The following CLN8 variants were observed in gnomAD, a reference collection of about 807,000 sequenced individuals.
CLN8 encodes the protein protein CLN8.
A neutral mutation model predicts 15.7 loss-of-function variants in CLN8; 14 were observed. The observed-to-expected ratio is 0.89, with a 90% CI of 0.59 to 1.39. The LOEUF (loss-of-function observed/expected upper bound fraction) is 1.39. Among genes scored for constraint, CLN8 ranks in the 40% most tolerant of loss-of-function variants. The pLI is 0.00. For synonymous variants in CLN8, 188 were observed against 151.0 expected (o/e 1.25, Z -1.80); for missense variants, 415 against 364.0 (o/e 1.14, Z -1.14).
At chr8:1,765,085 C>T (rs1456266521) in intron 1 of CLN8, 1 of 152,222 alleles carries the variant, frequency 6.6e-6, no homozygotes, top group Non-Finnish European at 1.5e-5. Context: ...GTCATGGAGG[C>T]TGTGGTTGTT....
At chr8:1,762,379 A>T (rs1800820461), upstream of CLN8, 1 of 152,100 alleles carries the variant, frequency 6.6e-6, no homozygotes, top group African/African-American at 2.4e-5. Context: ...CTGGGATTAC[A>T]GGCTTGAGCC....
chr8:1,771,816 T>C (rs1801319452), intron 2 of CLN8, among the ~76,000 whole-genome samples: 1 of 152,116 alleles, frequency 6.6e-6, no homozygotes, highest in Non-Finnish European at 1.5e-5. Flanking sequence ...GGCAATTTTC[T>C]TAATTTTAAG....
At position 1,781,008 on chromosome 8, in the gene CLN8, T is replaced by C. The variant is rs1479216717; in HGVS notation, c.*441T>C. 5.6e-6 allele frequency: 1 copy of C among 178,770 alleles called. No individual in the cohort carries two copies. The highest frequency in any genetic ancestry group is 2.4e-5 in the African/African-American group (1 of 42,158). 11.1% of individuals were successfully genotyped at this position (178,770 alleles called of 1,614,324 possible). On this transcript the variant is annotated 3_prime_UTR_variant, in exon 3 of 3. Transcript: ENST00000331222. ...TCACATTCTTTTCAGTTGGAGAGAA[T>C]TGGGCTAAGATAGAAAATAACATGA...
upstream of CLN8, among the ~76,000 whole-genome samples, chr8:1,753,233 C>G (rs1467103073): frequency 2.0e-5 from 3 of 152,138 alleles, no homozygotes; most frequent in African/African-American, 7.2e-5. Context: ...TTCTTGCCCA[C>G]CTCATTATTT....
intron 2 of CLN8, among the ~76,000 whole-genome samples, chr8:1,776,274 GTA>G (rs1224046554): frequency 6.6e-6 from 1 of 152,240 alleles, no homozygotes; most frequent in African/African-American, 2.4e-5. Flanking sequence ...AGGGGCAGCT[GTA>G]TGTGTGGTAA....
rs1801692904 is a variant in CLN8 at position 1,780,777 on chromosome 8, C to A, written c.*210C>A. 3.2e-6 allele frequency: 2 copies of A among 623,924 alleles called. No individual in the cohort carries two copies. Among genetic ancestry groups the A allele is most frequent in the Non-Finnish European group, 5.5e-6 (2 of 361,816 alleles). 38.6% of individuals were successfully genotyped at this position (623,924 alleles called of 1,614,324 possible). ...TAATTTTATGACTGTCTGGCAGGCT[C>A]TGTCAGTTTAGCCGCGCCGGACCGT... On this transcript the variant is annotated 3_prime_UTR_variant, in exon 3 of 3. Coordinates refer to ENST00000331222, the MANE Select transcript of CLN8 (RefSeq NM_018941.4).
chr8:1,772,626 TTGTG>T (rs568342994), intron 2 of CLN8, among the ~76,000 whole-genome samples: 30 of 147,426 alleles, frequency 2.0e-4, no homozygotes, highest in African/African-American at 6.7e-4. Flanking sequence ...CCTAGCTAAT[TTGTG>T]TGTGTGTGTG....
At chr8:1,754,218 T>G, upstream of CLN8, among the ~76,000 whole-genome samples, 1 of 152,352 alleles carries the variant, frequency 6.6e-6, no homozygotes, top group East Asian at 1.9e-4. Flanking sequence ...TTCCTGGCAG[T>G]CAGCTCCTCT....
In CLN8 at chr8:1,780,470, A is replaced by G. The variant is rs1801681353; in HGVS notation, c.764A>G (p.Gln255Arg). The change falls in exon 3 of 3, where the codon CAG becomes CGG. Residue 255 changes from glutamine to arginine, a missense_variant. By Grantham distance (43) the Gln-to-Arg change is conservative. Coordinates refer to ENST00000331222, the MANE Select transcript of CLN8 (RefSeq NM_018941.4). The part of the protein sequence containing the change: ...INPYWTHKKT[Q>R]QLLNPVDWNF... ...CCATATTGGACCCATAAGAAGACTC[A>G]GCAGCTTCTCAATCCGGTGGACTGG... The G allele has an allele frequency of 1.2e-6, 2 of 1,614,220 alleles. No homozygotes were observed. The highest frequency in any genetic ancestry group is 1.7e-6 in the Non-Finnish European group (2 of 1,180,048).
At chr8:1,776,763 A>G (rs938427837) in intron 2 of CLN8, among the ~76,000 whole-genome samples, 3 of 152,246 alleles carry the variant, frequency 2.0e-5, no homozygotes, top group Non-Finnish European at 2.9e-5. Context: ...GCCTGACTGC[A>G]GTGCACCCAC....
intron 1 of CLN8, among the ~76,000 whole-genome samples, chr8:1,767,856 C>G (rs1415564173): frequency 6.6e-6 from 1 of 151,938 alleles, no homozygotes; most frequent in East Asian, 1.9e-4. Flanking sequence ...CAGGCGTGCG[C>G]CACTGCACTC....
At position 1,771,394 on chromosome 8, in the gene CLN8, T is replaced by C. The variant is rs1280048680; in HGVS notation, c.340T>C (p.Phe114Leu). ...WFHITTATGFFCFENVAVHLS... is the reference protein window; with the variant it reads ...WFHITTATGFLCFENVAVHLS... ...TCACATCACGACAGCAACGGGATTCTTTTGCTTTGAAAATGTTGCAGTCCA... is the reference window on the plus strand; with the variant it reads ...TCACATCACGACAGCAACGGGATTCCTTTGCTTTGAAAATGTTGCAGTCCA... The change falls in exon 2 of 3, where the codon TTT becomes CTT. Residue 114 changes from phenylalanine to leucine, a missense_variant. Coordinates refer to ENST00000331222, the MANE Select transcript of CLN8 (RefSeq NM_018941.4). 1 of 1,614,220 alleles carries C rather than the reference T, an allele frequency of 6.2e-7. No individual in the cohort carries two copies. Among genetic ancestry groups the C allele is most frequent in the East Asian group, 2.2e-5 (1 of 44,876 alleles).
At position 1,781,607 on chromosome 8, in the gene CLN8, G is replaced by T. The variant is rs770805593; in HGVS notation, c.*1040G>T. The T allele has an allele frequency of 6.6e-6, 1 of 151,542 alleles. No individual in the cohort carries two copies. The highest frequency in any genetic ancestry group is 1.5e-5 in the Non-Finnish European group (1 of 67,956). The allele number at this position is 151,542 out of a possible 1,614,324, so 9.4% of individuals were successfully genotyped here. A position where few individuals can be genotyped will look rare whatever the true frequency, so the allele number is the denominator to read the frequency against. On this transcript the variant is annotated 3_prime_UTR_variant, in exon 3 of 3. Coordinates refer to ENST00000331222, the MANE Select transcript of CLN8 (RefSeq NM_018941.4). Reference sequence around the variant, plus strand: ...ATTATTCATACTGTGTTGCTCATTTGACAAAATAAGGTAAGGATTTCATAA... The same window carrying T: ...ATTATTCATACTGTGTTGCTCATTTTACAAAATAAGGTAAGGATTTCATAA...
At chr8:1,780,068 A>G in intron 2 of CLN8, 182 bp from the exon 3 acceptor site, 1 of 985,482 alleles carries the variant, frequency 1.0e-6, no homozygotes, top group Non-Finnish European at 1.2e-6. Flanking sequence ...GCGCCCACAG[A>G]GCTGGTGGCC....
At position 1,771,430 on chromosome 8, in the gene CLN8, T is replaced by G. The variant is rs139041775; in HGVS notation, c.376T>G (p.Leu126Val). Residue 126 changes from leucine to valine, a missense_variant, in exon 2 of 3, where the codon TTG (leucine) becomes GTG (valine). By Grantham distance (32) the Leu-to-Val change is conservative. Coordinates refer to ENST00000331222, the MANE Select transcript of CLN8 (RefSeq NM_018941.4). The part of the protein sequence containing the change: ...FENVAVHLSN[L>V]IFRTFDLFLV... ...AAATGTTGCAGTCCACCTGTCCAAC[T>G]TGATCTTCCGGACATTTGACTTGTT... 1.2e-6 allele frequency: 2 copies of G among 1,614,234 alleles called. No homozygotes were observed. The highest frequency in any genetic ancestry group is 1.7e-6 in the Non-Finnish European group (2 of 1,180,040).
upstream of CLN8, among the ~76,000 whole-genome samples, chr8:1,755,388 C>T: frequency 6.6e-6 from 1 of 152,190 alleles, no homozygotes; most frequent in East Asian, 1.9e-4. Context: ...TGTTTTCTCT[C>T]ACTGGCATGG....
At chr8:1,772,828 A>T in intron 2 of CLN8, 1 of 396,286 alleles carries the variant, frequency 2.5e-6, no homozygotes, top group Non-Finnish European at 4.4e-6. Flanking sequence ...GACCCATCAC[A>T]TTGTTTATGG....
chr8:1,765,790 G>T (rs1451085251), intron 1 of CLN8, among the ~76,000 whole-genome samples: 3 of 152,188 alleles, frequency 2.0e-5, no homozygotes, highest in Non-Finnish European at 4.4e-5. Context: ...AGGAGAATTA[G>T]CTTTGCAGAT....
At chr8:1,763,735 C>G (rs1215541615), upstream of CLN8, 1 of 144,692 alleles carries the variant, frequency 6.9e-6, no homozygotes, top group Non-Finnish European at 1.5e-5. Flanking sequence ...GGGGGCAGAA[C>G]GCGTGCGCAC....
Sources: allele counts gnomAD v4.1 joint callset (sites outside exome capture counted in the v4.1 genomes callset), GRCh38; gene constraint gnomAD v4.1.1; transcripts MANE v1.5; gene names NCBI Gene and HGNC (gene_info 2026-07-23, HGNC 2026-07-21).